The following MAPK8 variants were observed in gnomAD, a reference collection of about 807,000 sequenced individuals.
The protein encoded by MAPK8 is JUN N-terminal kinase.
Under a neutral mutation model 52.9 loss-of-function variants are expected in MAPK8, and 13 were observed. The observed-to-expected ratio is 0.25, with a 90% CI of 0.16 to 0.39. MAPK8 has a LOEUF of 0.39. Ranked by LOEUF, MAPK8 falls within the 10% of genes least tolerant of loss-of-function variation. The pLI, the probability that MAPK8 is intolerant of heterozygous loss-of-function variation, is 1.00. For synonymous variants in MAPK8, 191 were observed against 169.8 expected (o/e 1.12, Z -0.97); for missense variants, 300 against 519.2 (o/e 0.58, Z 4.10).
intron 1 of MAPK8, among the ~76,000 whole-genome samples, chr10:48,356,438 A>T (rs951030449): frequency 5.9e-5 from 9 of 152,232 alleles, no homozygotes; most frequent in African/African-American, 1.9e-4. Flanking sequence ...TAGTTCACAG[A>T]TTAAGTAGAA....
intron 6 of MAPK8, 104 bp downstream of exon 6, chr10:48,420,424 G>C: frequency 9.4e-7 from 1 of 1,067,522 alleles, no homozygotes; most frequent in Non-Finnish European, 1.3e-6. Context: ...TGAGTTAAAT[G>C]TGTATCATTG....
At chr10:48,369,643 A>G (rs1055906929) in intron 1 of MAPK8, among the ~76,000 whole-genome samples, 2 of 152,118 alleles carry the variant, frequency 1.3e-5, no homozygotes, top group African/African-American at 4.8e-5. Context: ...TAACAAGACA[A>G]GAGGGCCAAG....
At chr10:48,311,674 TAACCACAACAATTCATTGAGGC>T (rs1009240325) in intron 1 of MAPK8, among the ~76,000 whole-genome samples, 1 of 152,234 alleles carries the variant, frequency 6.6e-6, no homozygotes, top group Non-Finnish European at 1.5e-5. Context: ...AGAGACCTGG[TAACCACAACAATTCATTGAGGC>T]CTGGAGGCCT....
In MAPK8 at chr10:48,339,121, ATAGG is replaced by A. The variant is rs577397274; in HGVS notation, c.-50+32304_-50+32307del. 2.6e-5 allele frequency among the ~76,000 whole-genome samples: 4 copies of A among 152,254 alleles called. No individual in the cohort carries two copies. The East Asian group carries it at 7.7e-4, about 29-fold the overall frequency. On this transcript the variant is annotated intron_variant, in intron 1 of 11. Coordinates refer to ENST00000374189, the MANE Select transcript of MAPK8 (RefSeq NM_001323329.2). The stretch of plus-strand genomic sequence containing the variant: ...CATGTGGAAATACAATAGAGCCTAA[ATAGG>A]TAGAGCGATCTAAGCAAAAGGAACA...
intron 1 of MAPK8, among the ~76,000 whole-genome samples, chr10:48,377,215 AG>A (rs35525786): frequency 4.6e-5 from 7 of 151,860 alleles, no homozygotes; most frequent in Non-Finnish European, 1.0e-4. Flanking sequence ...AGGGCCTGTC[AG>A]GGGTTTGGGG....
chr10:48,352,868 G>T (rs1310868522), intron 1 of MAPK8, among the ~76,000 whole-genome samples: 1 of 152,070 alleles, frequency 6.6e-6, no homozygotes, highest in Non-Finnish European at 1.5e-5. Context: ...AAAATCCTAA[G>T]TAATCTACAA....
chr10:48,349,571 A>G (rs1008334493), intron 1 of MAPK8, among the ~76,000 whole-genome samples: 8 of 152,232 alleles, frequency 5.3e-5, no homozygotes, highest in Admixed American at 3.3e-4. Flanking sequence ...TTTGAAACCA[A>G]TGAGAACAAA....
intron 1 of MAPK8, among the ~76,000 whole-genome samples, chr10:48,326,422 A>G (rs1208551194): frequency 6.6e-6 from 1 of 152,104 alleles, no homozygotes; most frequent in Non-Finnish European, 1.5e-5. Context: ...CTGGCACTGC[A>G]GGATACTCCC....
intron 1 of MAPK8, chr10:48,308,274 C>A: frequency 6.6e-6 from 1 of 152,230 alleles, no homozygotes; most frequent in Non-Finnish European, 1.5e-5. Flanking sequence ...TCTCCACCAC[C>A]TAGCCTGGAA....
chr10:48,358,352 T>C (rs922439090), intron 1 of MAPK8, among the ~76,000 whole-genome samples: 25 of 152,252 alleles, frequency 1.6e-4, no homozygotes, highest in Non-Finnish European at 2.9e-5. Context: ...ATTATATTAG[T>C]AGTCATCATA....
intron 1 of MAPK8, among the ~76,000 whole-genome samples, chr10:48,323,161 C>G (rs1843150313): frequency 6.6e-6 from 1 of 151,970 alleles, no homozygotes; most frequent in South Asian, 2.1e-4. Context: ...GGGAAAATGG[C>G]AGAGAAAACT....
chr10:48,405,907 G>C (rs200200696), intron 3 of MAPK8, among the ~76,000 whole-genome samples: 1 of 151,978 alleles, frequency 6.6e-6, no homozygotes, highest in East Asian at 1.9e-4. Context: ...AAAAATCATG[G>C]AAGTTCAGGA....
At chr10:48,383,132 G>C (rs2041112146) in intron 1 of MAPK8, among the ~76,000 whole-genome samples, 1 of 151,404 alleles carries the variant, frequency 6.6e-6, no homozygotes, top group African/African-American at 2.4e-5. Flanking sequence ...CTTTCCAAGT[G>C]ACTCACCAAA....
intron 1 of MAPK8, among the ~76,000 whole-genome samples, chr10:48,323,635 A>G (rs1366413192): frequency 6.6e-6 from 1 of 152,234 alleles, no homozygotes; most frequent in Non-Finnish European, 1.5e-5. Flanking sequence ...TTGATTCTCT[A>G]AGCTATTCCC....
intron 1 of MAPK8, among the ~76,000 whole-genome samples, chr10:48,361,206 T>C (rs1169385125): frequency 6.6e-6 from 1 of 152,220 alleles, no homozygotes; most frequent in Non-Finnish European, 1.5e-5. Flanking sequence ...TCCGTACGTC[T>C]GTTGCATATT....
At position 48,427,144 on chromosome 10, in the gene MAPK8, G is replaced by C; in HGVS notation, c.1060+1G>C. On this transcript the variant is annotated splice_donor_variant, in intron 10 of 11. Transcript: ENST00000374189. LOFTEE classifies it high-confidence loss of function. ...GAACACACAATAGAAGAGTGGAAAG[G>C]TACATTCGTCAGATTCTTAGAGGGA... is the stretch of plus-strand genomic sequence containing the variant. 6.2e-7 allele frequency: 1 copy of C among 1,610,148 alleles called. No homozygotes were observed. Among genetic ancestry groups the C allele is most frequent in the Non-Finnish European group, 8.5e-7 (1 of 1,177,110 alleles).
At chr10:48,360,651 ACT>A (rs1227928720) in intron 1 of MAPK8, among the ~76,000 whole-genome samples, 1 of 152,150 alleles carries the variant, frequency 6.6e-6, no homozygotes, top group African/African-American at 2.4e-5. Flanking sequence ...AGCCACACAC[ACT>A]CTCACACGCA....
At chr10:48,332,283 T>G (rs1844228906) in intron 1 of MAPK8, among the ~76,000 whole-genome samples, 1 of 152,190 alleles carries the variant, frequency 6.6e-6, no homozygotes, top group African/African-American at 2.4e-5. Context: ...TGGGAGGTCT[T>G]CCTCCTGTGG....
chr10:48,391,251 C>G (rs375588042), intron 1 of MAPK8, among the ~76,000 whole-genome samples: 16 of 152,274 alleles, frequency 1.1e-4, no homozygotes, highest in African/African-American at 3.1e-4. Context: ...CACATTAATT[C>G]TTTTGAGCCT....
Sources: allele counts gnomAD v4.1 joint callset (sites outside exome capture counted in the v4.1 genomes callset), GRCh38; gene constraint gnomAD v4.1.1; transcripts MANE v1.5; gene names NCBI Gene and HGNC (gene_info 2026-07-23, HGNC 2026-07-21).